VPS13C: variants seen among roughly 807,000 people sequenced by gnomAD.
The protein encoded by VPS13C is vacuolar protein sorting 13 homolog C, also known as intermembrane lipid transfer protein VPS13C.
Under a neutral mutation model 456.8 loss-of-function variants are expected in VPS13C, and 358 were observed. That is an observed-to-expected ratio of 0.78 (90% CI 0.72 to 0.86). The LOEUF is 0.86. Ranked by LOEUF, VPS13C falls within the 40% of genes least tolerant of loss-of-function variation. The pLI is 0.00. For synonymous variants in VPS13C, 1,578 were observed against 1,486.7 expected, an observed-to-expected ratio of 1.06 and a Z score of -1.41; for missense variants, 4,818 against 4,385.4, an observed-to-expected ratio of 1.10 and a Z score of -2.79.
At chr15:62,028,558 A>T (rs2047714296) in intron 5 of VPS13C, 138 bp from the exon 6 acceptor site, 3 of 763,196 alleles carry the variant, frequency 3.9e-6, no homozygotes, top group Non-Finnish European at 6.2e-6. Context: ...TGGTGACACC[A>T]AAACTATTTT....
In VPS13C at chr15:61,874,746, G is replaced by T. The variant is rs958060478; in HGVS notation, c.10414+130C>A. ...TTTCATTTAAAAACATGGGAAACATGTCTTTTAAAAGGGATTATTAAGAAA... is the reference window on the plus strand; with the variant it reads ...TTTCATTTAAAAACATGGGAAACATTTCTTTTAAAAGGGATTATTAAGAAA... On this transcript the variant is annotated intron_variant, in intron 77 of 84. Coordinates refer to ENST00000644861, the MANE Select transcript of VPS13C (RefSeq NM_020821.3). 1.1e-4 allele frequency: 82 copies of T among 751,020 alleles called. 1 individual carries two copies. Among genetic ancestry groups the T allele is most frequent in the Admixed American group, 7.0e-4 (22 of 31,418 alleles). The allele number at this position is 751,020 out of a possible 1,614,324, so 46.5% of individuals were successfully genotyped here. A position where few individuals can be genotyped will look rare whatever the true frequency, so the allele number is the denominator to read the frequency against.
At chr15:61,992,141 A>G (rs1002806305) in intron 16 of VPS13C, among the ~76,000 whole-genome samples, 2 of 152,232 alleles carry the variant, frequency 1.3e-5, no homozygotes, top group Admixed American at 1.3e-4. Flanking sequence ...TGTTTATAAA[A>G]TGAAAAGTTC....
chr15:61,975,664 C>T lies in VPS13C; in HGVS notation c.2409-1247G>A, dbSNP rs151166876. Among the ~76,000 whole-genome samples, 85 of 152,108 alleles carry T rather than the reference C, an allele frequency of 5.6e-4. 1 individual carries two copies. The East Asian group carries it at 9.8e-3, about 18-fold the overall frequency. ...CCTCTCAAAATGAAAACTCCAGGAC[C>T]AGACGACTTTACTGGTGAATTCTAC... On this transcript the variant is annotated intron_variant, in intron 24 of 84. Transcript: ENST00000644861.
chr15:61,989,377 G>A (rs2046155719), intron 18 of VPS13C, among the ~76,000 whole-genome samples: 1 of 151,978 alleles, frequency 6.6e-6, no homozygotes, highest in Non-Finnish European at 1.5e-5. Flanking sequence ...CTCCTGCCTG[G>A]GAGAGTAAGA....
At chr15:62,008,245 A>T (rs1340219337) in intron 14 of VPS13C, among the ~76,000 whole-genome samples, 1 of 151,878 alleles carries the variant, frequency 6.6e-6, no homozygotes, top group Non-Finnish European at 1.5e-5. Context: ...AAATAAAAAT[A>T]CAAAAATTAG....
chr15:61,949,095 C>T (rs2140283288), intron 42 of VPS13C, among the ~76,000 whole-genome samples: 1 of 152,254 alleles, frequency 6.6e-6, no homozygotes, highest in Non-Finnish European at 1.5e-5. Context: ...TGAAACGGGC[C>T]TTTGTGACCT....
At chr15:62,024,770 T>C (rs1567123525) in intron 6 of VPS13C, among the ~76,000 whole-genome samples, 1 of 152,136 alleles carries the variant, frequency 6.6e-6, no homozygotes, top group Non-Finnish European at 1.5e-5. Context: ...TTCTATCTCC[T>C]AACATGCATC....
chr15:62,003,429 T>G (rs1295059206), intron 15 of VPS13C, among the ~76,000 whole-genome samples: 1 of 151,948 alleles, frequency 6.6e-6, no homozygotes, highest in Non-Finnish European at 1.5e-5. Context: ...GCTGAGACGA[T>G]GGGGTTTTCT....
intron 52 of VPS13C, among the ~76,000 whole-genome samples, chr15:61,926,191 G>A (rs1354946840): frequency 1.3e-5 from 2 of 152,098 alleles, no homozygotes; most frequent in Non-Finnish European, 2.9e-5. Context: ...TTGAGGCCAC[G>A]AGTTCAAGAC....
At chr15:62,016,982 T>C (rs1053218986) in intron 9 of VPS13C, among the ~76,000 whole-genome samples, 11 of 152,168 alleles carry the variant, frequency 7.2e-5, no homozygotes, top group Non-Finnish European at 1.3e-4. Context: ...TGTGAGATGA[T>C]ATCTCATTGC....
intron 41 of VPS13C, 88 bp downstream of exon 41, chr15:61,950,270 A>T: frequency 1.1e-6 from 1 of 939,212 alleles, no homozygotes; most frequent in Non-Finnish European, 1.7e-6. Context: ...TTCTCACGTT[A>T]GAACTTACAA....
At chr15:61,894,656 A>G (rs1566976040) in intron 66 of VPS13C, among the ~76,000 whole-genome samples, 1 of 152,198 alleles carries the variant, frequency 6.6e-6, no homozygotes, top group Non-Finnish European at 1.5e-5. Flanking sequence ...TCACTATATA[A>G]TGATAAAGAG....
chr15:62,031,314 C>CA (rs2047813430), intron 5 of VPS13C, among the ~76,000 whole-genome samples: 1 of 151,926 alleles, frequency 6.6e-6, no homozygotes, highest in Admixed American at 6.6e-5. Flanking sequence ...AGTCCCTATA[C>CA]ATGTGCAATG....
intron 21 of VPS13C, 27 bp downstream of exon 21, chr15:61,982,432 G>A: frequency 1.3e-6 from 2 of 1,554,868 alleles, no homozygotes; most frequent in Non-Finnish European, 1.7e-6. Context: ...CTTAGCTGAT[G>A]CTTATGTAGA....
chr15:61,974,257 T>C (rs535692159), intron 25 of VPS13C, 31 bp downstream of exon 25: 6 of 1,578,334 alleles, frequency 3.8e-6, no homozygotes, highest in African/African-American at 1.4e-5. Context: ...ACAATAAAAA[T>C]AGGGTTATAC....
Position 62,000,429 on chromosome 15 carries a change from C to A in VPS13C, c.1353+135G>T, listed in dbSNP as rs1016457879. ...TCATATTAGTGGCTTTTTTTCAGTA[C>A]TCCAGTTTCTTTTCTCCTGAGACTA... On this transcript the variant is annotated intron_variant, in intron 16 of 84. Coordinates refer to ENST00000644861, the MANE Select transcript of VPS13C (RefSeq NM_020821.3). The A allele has an allele frequency of 9.3e-6, 7 of 751,964 alleles. No homozygotes were observed. The Admixed American group carries it at 2.6e-4, about 28-fold the overall frequency. 46.6% of individuals were successfully genotyped at this position (751,964 alleles called of 1,614,324 possible). A position where few individuals can be genotyped will look rare whatever the true frequency, so the allele number is the denominator to read the frequency against.
intron 46 of VPS13C, 142 bp downstream of exon 46, chr15:61,941,620 CA>C (rs1422426681): frequency 2.3e-6 from 2 of 853,204 alleles, no homozygotes; most frequent in East Asian, 5.3e-5. Context: ...AACCACTGAC[CA>C]AGAAGCCAAT....
Position 61,982,569 on chromosome 15 carries a change from G to C in VPS13C, c.1919C>G (p.Thr640Ser). 1 of 1,595,776 alleles carries C rather than the reference G, an allele frequency of 6.3e-7. No individual in the cohort carries two copies. The highest frequency in any genetic ancestry group is 8.5e-7 in the Non-Finnish European group (1 of 1,175,070). The part of the protein sequence containing the change: ...QPVEVIYDAK[T>S]VNAVVEFFQS... ...AAAGAATTCAACCACTGCATTGACA[G>C]TTTTCTATAAGAAAATTTTTTTAAC... is the stretch of plus-strand genomic sequence containing the variant. Residue 640 changes from threonine to serine, a missense_variant, in exon 21 of 85, where the codon ACT becomes AGT. Physicochemically the swap from Thr to Ser is moderately conservative, Grantham distance 58. This residue lies in a region of VPS13C where 4,552 missense variants were observed against 4,130.6 expected (regional missense o/e 1.10). Coordinates refer to ENST00000644861, the MANE Select transcript of VPS13C (RefSeq NM_020821.3).
In VPS13C at chr15:61,963,857, A is replaced by G. The variant is rs1466094560; in HGVS notation, c.3309T>C (p.Asn1103=). 2 of 1,610,618 alleles carry G rather than the reference A, an allele frequency of 1.2e-6. No homozygotes were observed. Among genetic ancestry groups the G allele is most frequent in the African/African-American group, 2.7e-5 (2 of 74,722 alleles). Reference sequence around the variant, plus strand: ...TACCTTGAATCTTGATTTCGGCGATATTGTTCTTTTCGTTGCAAACAATGA... The same window carrying G: ...TACCTTGAATCTTGATTTCGGCGATGTTGTTCTTTTCGTTGCAAACAATGA... The part of the protein sequence containing the change: ...FCVIVCNEKN[N]IAEIKIQGLD... Residue 1103 remains asparagine, a synonymous_variant, in exon 32 of 85, where the codon AAT becomes AAC. Transcript: ENST00000644861.
Sources: allele counts gnomAD v4.1 joint callset (sites outside exome capture counted in the v4.1 genomes callset), GRCh38; gene constraint gnomAD v4.1.1; regional missense constraint gnomAD v4.1.1; transcripts MANE v1.5; gene names NCBI Gene and HGNC (gene_info 2026-07-23, HGNC 2026-07-21).